Variants in PGP observed in about 807,000 individuals in gnomAD.
PGP encodes phosphoglycolate phosphatase, also known as aspartate-based ubiquitous Mg(2+)-dependent phosphatase.
In PGP, 9 loss-of-function variants were observed where a neutral mutation model predicts 19.3. The ratio of observed to expected loss-of-function variants is 0.47; its 90% CI spans 0.28 to 0.81. PGP has a LOEUF of 0.81. Among genes scored for constraint, PGP ranks in the 40% least tolerant of loss-of-function variants. The probability of loss-of-function intolerance (pLI) is 0.11; values close to 1 mark genes in which losing one functional copy is unlikely to be tolerated. For synonymous variants in PGP, 308 were observed against 226.8 expected (o/e 1.36, Z -3.22); for missense variants, 403 against 479.9 (o/e 0.84, Z 1.50).
At position 2,213,004 on chromosome 16, in the gene PGP, T is replaced by G; in HGVS notation, c.*724A>C. On this transcript the variant is annotated 3_prime_UTR_variant, in exon 2 of 2. Coordinates refer to ENST00000333503, the MANE Select transcript of PGP (RefSeq NM_001042371.3). The stretch of plus-strand genomic sequence containing the variant: ...CGTCCACGCCATGGTAGCTGCTCCG[T>G]CCAAATCACCTGGGTATAAATGCAC... The G allele has an allele frequency of 1.0e-6, 1 of 985,540 alleles. No individual in the cohort carries two copies. The highest frequency in any genetic ancestry group is 4.7e-5 in the South Asian group (1 of 21,294). The allele number at this position is 985,540 out of a possible 1,614,324, so 61.0% of individuals were successfully genotyped here. A position where few individuals can be genotyped will look rare whatever the true frequency, so the allele number is the denominator to read the frequency against.
Position 2,214,094 on chromosome 16 carries a change from G to A in PGP, c.641-41C>T, listed in dbSNP as rs764286869. 2.6e-6 allele frequency: 4 copies of A among 1,544,862 alleles called. No homozygotes were observed. Among genetic ancestry groups the A allele is most frequent in the Non-Finnish European group, 3.5e-6 (4 of 1,152,948 alleles). On this transcript the variant is annotated intron_variant, in intron 1 of 1. Transcript: ENST00000333503. The surrounding 1 kb of genome is among the most constrained non-coding windows in gnomAD (Gnocchi z 7.1). The stretch of plus-strand genomic sequence containing the variant: ...GACCGGGTCAAAGGGCAGGGAGGGG[G>A]CCCGCCGCCCGCCCCCCAGCCTCCC...
At position 2,213,147 on chromosome 16, in the gene PGP, G is replaced by A; in HGVS notation, c.*581C>T. ...TCAGAGTGGTTTTCAAGGAAGTAAG[G>A]GAGGTGGGAGAGTGGTGAGGGCAGC... is the stretch of plus-strand genomic sequence containing the variant. On this transcript the variant is annotated 3_prime_UTR_variant, in exon 2 of 2. Coordinates refer to ENST00000333503, the MANE Select transcript of PGP (RefSeq NM_001042371.3). The A allele has an allele frequency of 1.0e-6, 1 of 985,518 alleles. No individual in the cohort carries two copies. The highest frequency in any genetic ancestry group is 4.7e-5 in the South Asian group (1 of 21,296). 61.0% of individuals were successfully genotyped at this position (985,518 alleles called of 1,614,324 possible). A position where few individuals can be genotyped will look rare whatever the true frequency, so the allele number is the denominator to read the frequency against.
Position 2,212,102 on chromosome 16 carries a change from G to T in PGP, c.*1626C>A. 1.0e-6 allele frequency: 1 copy of T among 985,596 alleles called. No individual in the cohort carries two copies. 61.1% of individuals were successfully genotyped at this position (985,596 alleles called of 1,614,324 possible). The stretch of plus-strand genomic sequence containing the variant: ...TCCCAGCCCCTACCCGGCAAGAGAG[G>T]CATCACTGAGGCTGCATCTGCCATG... On this transcript the variant is annotated 3_prime_UTR_variant, in exon 2 of 2. Coordinates refer to ENST00000333503, the MANE Select transcript of PGP (RefSeq NM_001042371.3).
rs1412124423 is a variant in PGP at position 2,213,794 on chromosome 16, C to A, written c.900G>T (p.Lys300Asn). Residue 300 changes from lysine to asparagine, a missense_variant, in exon 2 of 2, where the codon AAG becomes AAT. Physicochemically the swap from Lys to Asn is moderately conservative, Grantham distance 94. Coordinates refer to ENST00000333503, the MANE Select transcript of PGP (RefSeq NM_001042371.3). ...KNNQESDCVS[K>N]KKMVPDFYVD... ...CATAGAAGTCAGGGACCATTTTCTTCTTAGACACGCAGTCACTTTCCTGAT... is the reference window on the plus strand; with the variant it reads ...CATAGAAGTCAGGGACCATTTTCTTATTAGACACGCAGTCACTTTCCTGAT... 6.3e-7 allele frequency: 1 copy of A among 1,599,694 alleles called. No individual in the cohort carries two copies. The highest frequency in any genetic ancestry group is 1.1e-5 in the South Asian group (1 of 90,288).
At position 2,212,531 on chromosome 16, in the gene PGP, CCTG is replaced by C; in HGVS notation, c.*1194_*1196del. ...TGGCGAGCTGGTGGCCCTGCCAAGT[CCTG>C]CTGGCCACTGAAGAGGGAATCCAGG... On this transcript the variant is annotated 3_prime_UTR_variant, in exon 2 of 2. Transcript: ENST00000333503. The C allele has an allele frequency of 3.0e-6, 3 of 985,528 alleles. No homozygotes were observed. The highest frequency in any genetic ancestry group is 3.6e-6 in the Non-Finnish European group (3 of 829,968). The allele number at this position is 985,528 out of a possible 1,614,324, so 61.0% of individuals were successfully genotyped here.
Position 2,212,148 on chromosome 16 carries a change from CCT to C in PGP, c.*1578_*1579del, listed in dbSNP as rs1227073591. The C allele has an allele frequency of 2.2e-5, 22 of 985,560 alleles. No individual in the cohort carries two copies. The highest frequency in any genetic ancestry group is 1.2e-4 in the African/African-American group (7 of 57,250). 61.1% of individuals were successfully genotyped at this position (985,560 alleles called of 1,614,324 possible). A position where few individuals can be genotyped will look rare whatever the true frequency, so the allele number is the denominator to read the frequency against. The stretch of plus-strand genomic sequence containing the variant: ...CCATGCGCTCCTGGTGTGACTGCAC[CCT>C]GTCAGGCCAGACCCGGCTTGAGCCA... On this transcript the variant is annotated 3_prime_UTR_variant, in exon 2 of 2. Coordinates refer to ENST00000333503, the MANE Select transcript of PGP (RefSeq NM_001042371.3).
chr16:2,212,406 C>T lies in PGP; in HGVS notation c.*1322G>A. On this transcript the variant is annotated 3_prime_UTR_variant, in exon 2 of 2. Coordinates refer to ENST00000333503, the MANE Select transcript of PGP (RefSeq NM_001042371.3). The stretch of plus-strand genomic sequence containing the variant: ...CTGGTAGGGAGCCAGCCAGAAGGTG[C>T]AGCATCCCGGGATGGCCCTGCTGAG... The T allele has an allele frequency of 2.0e-6, 2 of 985,894 alleles. No homozygotes were observed. Among genetic ancestry groups the T allele is most frequent in the Non-Finnish European group, 2.4e-6 (2 of 830,120 alleles). 61.1% of individuals were successfully genotyped at this position (985,894 alleles called of 1,614,324 possible).
rs972780899 is a variant in PGP, at chr16:2,214,810, G to A, written c.-33C>T. 5.5e-5 allele frequency: 43 copies of A among 788,150 alleles called. No individual in the cohort carries two copies. Among genetic ancestry groups the A allele is most frequent in the Middle Eastern group, 6.2e-4 (1 of 1,610 alleles). The allele number at this position is 788,150 out of a possible 1,614,324, so 48.8% of individuals were successfully genotyped here. On this transcript the variant is annotated 5_prime_UTR_variant, in exon 1 of 2. Transcript: ENST00000333503. The surrounding 1 kb of genome is among the most constrained non-coding windows in gnomAD (Gnocchi z 7.1). ...CGCCGGCCGCCGCCGCCCGCCGGCC[G>A]CTCCTCGCAGCCGCCCGCCGCGGCG...
Position 2,213,392 on chromosome 16 carries a change from AC to A in PGP, c.*335del. The A allele has an allele frequency of 1.0e-6, 1 of 1,003,420 alleles. No individual in the cohort carries two copies. Among genetic ancestry groups the A allele is most frequent in the Non-Finnish European group, 1.2e-6 (1 of 834,548 alleles). 62.2% of individuals were successfully genotyped at this position (1,003,420 alleles called of 1,614,324 possible). A position where few individuals can be genotyped will look rare whatever the true frequency, so the allele number is the denominator to read the frequency against. The stretch of plus-strand genomic sequence containing the variant: ...TGAGTTTTTCAATAAAATACAGGAC[AC>A]ACACCCCTAGACCCGCCTCAGTCCC... On this transcript the variant is annotated 3_prime_UTR_variant, in exon 2 of 2. Transcript: ENST00000333503.
chr16:2,213,971 G>A lies in PGP; in HGVS notation c.723C>T (p.Phe241=), dbSNP rs886888138. ...DIIGKPSRFI[F]DCVSQEYGIN... ...TGCCGTATTCCTGGGACACGCAGTC[G>A]AAAATGAAGCGGCTGGGCTTCCCGA... The change falls in exon 2 of 2, where the codon TTC becomes TTT. Residue 241 remains phenylalanine, a synonymous_variant. Transcript: ENST00000333503. 1.4e-5 allele frequency: 22 copies of A among 1,610,728 alleles called. No homozygotes were observed. The highest frequency in any genetic ancestry group is 3.3e-5 in the Admixed American group (2 of 59,886).
rs753473416 is a variant in PGP, at chr16:2,213,717, ACACT to A, written c.*7_*10del. The stretch of plus-strand genomic sequence containing the variant: ...TTTTTTTTTATTCTGCAGATTAAAG[ACACT>A]CAATCTTTAACCTTGAAGGGCAGGC... On this transcript the variant is annotated 3_prime_UTR_variant, in exon 2 of 2. Coordinates refer to ENST00000333503, the MANE Select transcript of PGP (RefSeq NM_001042371.3). 3.9e-5 allele frequency: 59 copies of A among 1,506,286 alleles called. No individual in the cohort carries two copies. Among genetic ancestry groups the A allele is most frequent in the Admixed American group, 1.6e-4 (7 of 42,990 alleles). 93.3% of individuals were successfully genotyped at this position (1,506,286 alleles called of 1,614,324 possible).
Position 2,212,619 on chromosome 16 carries a change from G to A in PGP, c.*1109C>T. The A allele has an allele frequency of 3.0e-6, 3 of 985,512 alleles. No homozygotes were observed. The highest frequency in any genetic ancestry group is 3.6e-6 in the Non-Finnish European group (3 of 829,952). 61.0% of individuals were successfully genotyped at this position (985,512 alleles called of 1,614,324 possible). The stretch of plus-strand genomic sequence containing the variant: ...AACCCCTACCCCAGCCTAGGGAAGG[G>A]GAGGACAGGAAGAGACTGGATGCTT... On this transcript the variant is annotated 3_prime_UTR_variant, in exon 2 of 2. Coordinates refer to ENST00000333503, the MANE Select transcript of PGP (RefSeq NM_001042371.3).
In PGP at chr16:2,213,196, A is replaced by G. The variant is rs1013365276; in HGVS notation, c.*532T>C. 8 of 985,464 alleles carry G rather than the reference A, an allele frequency of 8.1e-6. No homozygotes were observed. In the African/African-American group the frequency reaches 1.4e-4, roughly 17 times the overall value. The allele number at this position is 985,464 out of a possible 1,614,324, so 61.0% of individuals were successfully genotyped here. A position where few individuals can be genotyped will look rare whatever the true frequency, so the allele number is the denominator to read the frequency against. ...GCACTTTGCACCCAAGGGCAGGGAG[A>G]TGCCACCTGGGAGCAGCCGCCTCCT... On this transcript the variant is annotated 3_prime_UTR_variant, in exon 2 of 2. Coordinates refer to ENST00000333503, the MANE Select transcript of PGP (RefSeq NM_001042371.3).
At position 2,212,526 on chromosome 16, in the gene PGP, C is replaced by G. The variant is rs777204562; in HGVS notation, c.*1202G>C. ...AACCTTGGCGAGCTGGTGGCCCTGC[C>G]AAGTCCTGCTGGCCACTGAAGAGGG... On this transcript the variant is annotated 3_prime_UTR_variant, in exon 2 of 2. Transcript: ENST00000333503. 15 of 985,542 alleles carry G rather than the reference C, an allele frequency of 1.5e-5. No individual in the cohort carries two copies. The highest frequency in any genetic ancestry group is 1.8e-5 in the Non-Finnish European group (15 of 829,988). 61.0% of individuals were successfully genotyped at this position (985,542 alleles called of 1,614,324 possible). A position where few individuals can be genotyped will look rare whatever the true frequency, so the allele number is the denominator to read the frequency against.
chr16:2,212,205 G>C lies in PGP; in HGVS notation c.*1523C>G. 2 of 985,828 alleles carry C rather than the reference G, an allele frequency of 2.0e-6. No homozygotes were observed. Among genetic ancestry groups the C allele is most frequent in the Non-Finnish European group, 2.4e-6 (2 of 830,014 alleles). The allele number at this position is 985,828 out of a possible 1,614,324, so 61.1% of individuals were successfully genotyped here. ...AGCCAAGCCAGCGTCAGTGTCACCA[G>C]CCTCATGGGTGGAGCCACCCTCATG... is the stretch of plus-strand genomic sequence containing the variant. On this transcript the variant is annotated 3_prime_UTR_variant, in exon 2 of 2. Coordinates refer to ENST00000333503, the MANE Select transcript of PGP (RefSeq NM_001042371.3).
Position 2,214,506 on chromosome 16 carries a change from C to G in PGP, c.272G>C (p.Gly91Ala). 2.1e-6 allele frequency: 3 copies of G among 1,421,478 alleles called. No individual in the cohort carries two copies. The highest frequency in any genetic ancestry group is 2.7e-6 in the Non-Finnish European group (3 of 1,091,748). The allele number at this position is 1,421,478 out of a possible 1,614,324, so 88.1% of individuals were successfully genotyped here. The change falls in exon 1 of 2, where the codon GGG (glycine) becomes GCG (alanine). Residue 91 changes from glycine to alanine, a missense_variant. Physicochemically the swap from Gly to Ala is moderately conservative, Grantham distance 60 (BLOSUM62 0). Coordinates refer to ENST00000333503, the MANE Select transcript of PGP (RefSeq NM_001042371.3). This position sits in a 1 kb window ranked among gnomAD's most constrained non-coding sequence, Gnocchi z 7.1. ...LRRLGFGGPA[G>A]PGASLEVFGT... ...GAAGACCTCCAGGCTGGCGCCGGGC[C>G]CCGCGGGGCCGCCGAAGCCCAGGCG...
chr16:2,213,116 G>A lies in PGP; in HGVS notation c.*612C>T, dbSNP rs1275635150. 9 of 985,420 alleles carry A rather than the reference G, an allele frequency of 9.1e-6. No individual in the cohort carries two copies. The highest frequency in any genetic ancestry group is 1.1e-5 in the Non-Finnish European group (9 of 829,966). The allele number at this position is 985,420 out of a possible 1,614,324, so 61.0% of individuals were successfully genotyped here. A position where few individuals can be genotyped will look rare whatever the true frequency, so the allele number is the denominator to read the frequency against. On this transcript the variant is annotated 3_prime_UTR_variant, in exon 2 of 2. Coordinates refer to ENST00000333503, the MANE Select transcript of PGP (RefSeq NM_001042371.3). ...TCTGAAACGGAACAGACACTCAGTT[G>A]TGACATCAGAGTGGTTTTCAAGGAA...
chr16:2,214,031 G>C lies in PGP; in HGVS notation c.663C>G (p.Ala221=). 1 of 1,598,462 alleles carries C rather than the reference G, an allele frequency of 6.3e-7. No homozygotes were observed. The highest frequency in any genetic ancestry group is 8.5e-7 in the Non-Finnish European group (1 of 1,170,946). The change falls in exon 2 of 2, where the codon GCC becomes GCG. Residue 221 remains alanine, a synonymous_variant. Coordinates refer to ENST00000333503, the MANE Select transcript of PGP (RefSeq NM_001042371.3). The surrounding 1 kb of genome is among the most constrained non-coding windows in gnomAD (Gnocchi z 7.1). ...CCTGGCGCTGGGCGGCCATCTCCAC[G>C]GCTCGGACCAGACACCCGGTACCTG... is the stretch of plus-strand genomic sequence containing the variant. ...FIAGTGCLVR[A]VEMAAQRQAD...
At position 2,213,746 on chromosome 16, in the gene PGP, CA is replaced by C; in HGVS notation, c.947del (p.Leu316CysfsTer9). 1 of 1,539,280 alleles carries C rather than the reference CA, an allele frequency of 6.5e-7. No individual in the cohort carries two copies. Among genetic ancestry groups the C allele is most frequent in the Non-Finnish European group, 8.8e-7 (1 of 1,139,508 alleles). ...TCAATCTTTAACCTTGAAGGGCAGG[CA>C]AAAGGTCGGCTATGCTGTCAACATA... ...DFYVDSIADL[L>X]PALQG is the part of the protein sequence containing the mutation. On this transcript the variant is annotated frameshift_variant, in exon 2 of 2. Transcript: ENST00000333503. LOFTEE classifies it high-confidence loss of function.
Sources: gnomAD v4.1 joint callset for allele counts on GRCh38, gnomAD v4.1.1 for gene constraint, Gnocchi (gnomAD v3.1) non-coding constraint, MANE v1.5 for transcripts, NCBI Gene and HGNC (gene_info 2026-07-23, HGNC 2026-07-21) for gene names.